The following TNRC6C variants were observed in gnomAD, a reference collection of about 807,000 sequenced individuals.
TNRC6C encodes trinucleotide repeat-containing gene 6C protein.
A neutral mutation model predicts 153.7 loss-of-function variants in TNRC6C; 20 were observed. That is an observed-to-expected ratio of 0.13 (90% CI 0.09 to 0.19). The LOEUF is 0.19. TNRC6C is among the 10% of genes least tolerant of loss of function. The pLI is 1.00. For missense variants in TNRC6C, 1,987 were observed against 2,172.0 expected, an observed-to-expected ratio of 0.91 and a Z score of 1.69; for synonymous variants, 811 against 841.4, an observed-to-expected ratio of 0.96 and a Z score of 0.63.
intron 1 of TNRC6C, among the ~76,000 whole-genome samples, chr17:78,018,862 G>A (rs1051068007): frequency 1.3e-5 from 2 of 152,122 alleles, no homozygotes; most frequent in African/African-American, 2.4e-5. Flanking sequence ...ATGGCATCAG[G>A]ATTCCAGAGT....
intron 1 of TNRC6C, among the ~76,000 whole-genome samples, chr17:78,017,306 C>T (rs4789524): frequency 0.023 from 3,453 of 149,952 alleles, 185 homozygotes; most frequent in East Asian, 0.18. Context: ...AGCACCTCAG[C>T]GTGCTCCCAC....
At chr17:77,973,081 A>G (rs2070952258) in intron 1 of TNRC6C, among the ~76,000 whole-genome samples, 1 of 152,010 alleles carries the variant, frequency 6.6e-6, no homozygotes, top group Non-Finnish European at 1.5e-5. Flanking sequence ...AAATTTTTGT[A>G]TTTTTAGTAA....
chr17:78,085,423 C>T (rs2073262780), intron 11 of TNRC6C, among the ~76,000 whole-genome samples: 1 of 152,146 alleles, frequency 6.6e-6, no homozygotes, highest in Non-Finnish European at 1.5e-5. Context: ...TATTTTATTC[C>T]TCCATGATTA....
intron 3 of TNRC6C, among the ~76,000 whole-genome samples, chr17:78,055,454 C>T (rs772572738): frequency 2.0e-5 from 3 of 152,190 alleles, no homozygotes; most frequent in Non-Finnish European, 2.9e-5. Flanking sequence ...GGTTTGTTTA[C>T]ACGAGCATCA....
At chr17:77,973,099 G>A (rs2070952619) in intron 1 of TNRC6C, among the ~76,000 whole-genome samples, 1 of 152,092 alleles carries the variant, frequency 6.6e-6, no homozygotes, top group African/African-American at 2.4e-5. Context: ...TAAAGACGGG[G>A]TTTCACTATG....
exon 11 of TNRC6C, chr17:78,083,144 A>G: frequency 6.2e-7 from 1 of 1,613,968 alleles, no homozygotes; most frequent in Non-Finnish European, 8.5e-7. Context: ...ACGATGTTGA[A>G]CCAGCTCTAT....
chr17:78,002,144 T>C (rs1169362398), upstream of TNRC6C, among the ~76,000 whole-genome samples: 1 of 152,200 alleles, frequency 6.6e-6, no homozygotes, highest in African/African-American at 2.4e-5. Context: ...AATTTCACTG[T>C]GCAAGGTAGA....
At chr17:78,063,853 T>A (rs2072818273) in intron 3 of TNRC6C, among the ~76,000 whole-genome samples, 1 of 152,172 alleles carries the variant, frequency 6.6e-6, no homozygotes, top group Admixed American at 6.5e-5. Context: ...ACTCACAAAT[T>A]TTTCTTAGAA....
chr17:77,972,525 A>AG (rs1264395199), intron 1 of TNRC6C, among the ~76,000 whole-genome samples: 1 of 151,828 alleles, frequency 6.6e-6, no homozygotes, highest in Non-Finnish European at 1.5e-5. Context: ...AAAAAAAAAA[A>AG]AGAATGAAAG....
At chr17:78,093,165 G>A (rs150608960) in intron 15 of TNRC6C, 41 bp downstream of exon 17, 1 of 1,595,412 alleles carries the variant, frequency 6.3e-7, no homozygotes, top group Non-Finnish European at 8.6e-7. Flanking sequence ...CAGCAGGTCA[G>A]AATGTGCTCC....
chr17:78,108,577 A>G (rs573687456), exon 20 of TNRC6C: 168 of 155,268 alleles, frequency 1.1e-3, no homozygotes, highest in Middle Eastern at 5.2e-3. Flanking sequence ...AGGAGGTGGC[A>G]TTTGCCCTGG....
Position 77,978,915 on chromosome 17 carries a change from C to G in TNRC6C, c.-38+19647C>G, listed in dbSNP as rs528128190. ...TTCACCCTTGCTCTTAAATGCTTGT[C>G]AGAAGCAAAACTAAATCCTCTCTAG... is the stretch of plus-strand genomic sequence containing the variant. On this transcript the variant is annotated intron_variant, in intron 1 of 22. Transcript: ENST00000636222. Among the ~76,000 whole-genome samples, 7 of 152,264 alleles carry G rather than the reference C, an allele frequency of 4.6e-5. No homozygotes were observed. The South Asian group carries it at 1.5e-3, about 32-fold the overall frequency.
At chr17:78,061,650 C>A (rs1025083844) in intron 3 of TNRC6C, among the ~76,000 whole-genome samples, 5 of 152,188 alleles carry the variant, frequency 3.3e-5, no homozygotes, top group Non-Finnish European at 7.4e-5. Context: ...ACAGCCACTG[C>A]ACTTCAGCCC....
rs28462256 is a variant in TNRC6C, at chr17:78,067,673, G to A, written c.2612-84G>A. The A allele has an allele frequency of 4.2e-3, 5,865 of 1,412,688 alleles. 204 individuals are homozygous for A. In the African/African-American group the frequency reaches 0.074, roughly 18 times the overall value. The allele number at this position is 1,412,688 out of a possible 1,614,324, so 87.5% of individuals were successfully genotyped here. A position where few individuals can be genotyped will look rare whatever the true frequency, so the allele number is the denominator to read the frequency against. ...GATTACAATGCATCATTTGTCCCACGACCCCTAAATTATATGTTACAGTGG... is the reference window on the plus strand; with the variant it reads ...GATTACAATGCATCATTTGTCCCACAACCCCTAAATTATATGTTACAGTGG... On this transcript the variant is annotated intron_variant, in intron 4 of 19. Coordinates refer to ENST00000301624, the Ensembl canonical transcript of TNRC6C.
chr17:77,978,180 A>C (rs1035325419), intron 1 of TNRC6C, among the ~76,000 whole-genome samples: 2 of 152,126 alleles, frequency 1.3e-5, no homozygotes, highest in Non-Finnish European at 2.9e-5. Context: ...TACAGGCGTG[A>C]GCCACCGCGC....
chr17:78,089,583 G>A (rs1298430391), intron 13 of TNRC6C, among the ~76,000 whole-genome samples: 1 of 151,990 alleles, frequency 6.6e-6, no homozygotes, highest in Non-Finnish European at 1.5e-5. Context: ...CTTCCCTCAT[G>A]TTCAGCCTGT....
At chr17:77,968,235 T>C (rs986403015) in intron 1 of TNRC6C, among the ~76,000 whole-genome samples, 7 of 151,926 alleles carry the variant, frequency 4.6e-5, no homozygotes, top group African/African-American at 1.7e-4. Context: ...GGTTTCACCA[T>C]GTTGGCCAGG....
At chr17:78,076,586 C>T (rs1313021878) in intron 8 of TNRC6C, among the ~76,000 whole-genome samples, 1 of 152,186 alleles carries the variant, frequency 6.6e-6, no homozygotes, top group Admixed American at 6.5e-5. Flanking sequence ...AATCTGGCAA[C>T]CCTAAATTGG....
chr17:78,055,474 C>T lies in TNRC6C; in HGVS notation c.2395+4017C>T, dbSNP rs534112341. On this transcript the variant is annotated intron_variant, in intron 3 of 19. Transcript: ENST00000301624. ...GTTTACACGAGCATCACCACAAACA[C>T]GTGGGGAATGCATTCCGCTACATTA... Among the ~76,000 whole-genome samples the T allele has an allele frequency of 8.5e-5, 13 of 152,316 alleles. No individual in the cohort carries two copies. In the East Asian group the frequency reaches 2.3e-3, roughly 27 times the overall value.
Sources: gnomAD v4.1 joint callset for allele counts (sites outside exome capture counted in the v4.1 genomes callset) on GRCh38, gnomAD v4.1.1 for gene constraint, MANE v1.5 for transcripts, NCBI Gene and HGNC (gene_info 2026-07-23, HGNC 2026-07-21) for gene names.